Variants in USP7 observed in about 807,000 individuals in gnomAD.
The protein encoded by USP7 is ubiquitin specific peptidase 7.
A neutral mutation model predicts 162.9 loss-of-function variants in USP7; 9 were observed. That is an observed-to-expected ratio of 0.06 (90% CI 0.03 to 0.10). USP7 has a LOEUF of 0.10. Ranked by LOEUF, USP7 falls within the 10% of genes least tolerant of loss-of-function variation. The pLI is 1.00. For missense variants in USP7, 715 were observed against 1,373.7 expected, an observed-to-expected ratio of 0.52 and a Z score of 7.58; for synonymous variants, 562 against 475.9, an observed-to-expected ratio of 1.18 and a Z score of -2.35.
intron 1 of USP7, among the ~76,000 whole-genome samples, chr16:8,937,541 C>CA (rs1433084714): frequency 6.6e-6 from 1 of 151,618 alleles, no homozygotes; most frequent in Non-Finnish European, 1.5e-5. Flanking sequence ...AACTCTGTCT[C>CA]AAAAAATAAT....
Position 8,902,493 on chromosome 16 carries a change from TATTAAGAGTAG to T in USP7, c.1840-22_1840-12del, listed in dbSNP as rs759118293. On this transcript the variant is annotated splice_polypyrimidine_tract_variant and intron_variant, in intron 16 of 30. Coordinates refer to ENST00000344836, the MANE Select transcript of USP7 (RefSeq NM_003470.3). ...ATCTTGTGGAAATCCCTGAAAAAAATATTAAGAGTAGATTAAAATAAAAACACGCTCATATT... is the reference window on the plus strand; with the variant it reads ...ATCTTGTGGAAATCCCTGAAAAAAATATTAAAATAAAAACACGCTCATATT... The T allele has an allele frequency of 6.3e-4, 1,019 of 1,611,480 alleles. 2 individuals carry two copies. Among genetic ancestry groups the T allele is most frequent in the Non-Finnish European group, 7.6e-4 (892 of 1,178,576 alleles).
chr16:8,900,196 A>G (rs2061751696), intron 21 of USP7: 2 of 324,508 alleles, frequency 6.2e-6, no homozygotes, highest in Admixed American at 9.5e-5. Flanking sequence ...ACATGAAGAC[A>G]GACTGAAATG....
chr16:8,905,401 G>A lies in USP7; in HGVS notation c.1429-70C>T, dbSNP rs919245504. 22 of 1,579,458 alleles carry A rather than the reference G, an allele frequency of 1.4e-5. No individual in the cohort carries two copies. In the East Asian group the frequency reaches 2.3e-4, roughly 16 times the overall value. Reference sequence around the variant, plus strand: ...CAAGTACCCAACACTAGAAGGCAGCGTTGTTCTAAAATGTGTGAACTTCTA... The same window carrying A: ...CAAGTACCCAACACTAGAAGGCAGCATTGTTCTAAAATGTGTGAACTTCTA... On this transcript the variant is annotated intron_variant, in intron 13 of 30. Coordinates refer to ENST00000344836, the MANE Select transcript of USP7 (RefSeq NM_003470.3).
At position 8,894,552 on chromosome 16, in the gene USP7, G is replaced by A; in HGVS notation, c.3200C>T (p.Pro1067Leu). ...EVNLKDFEPQ[P>L]GNMSHPRPWL... ...CCCGGGGGGGGGAGAACCCTTACCG[G>A]GCTGTGGCTCAAAGTCTTTCAAATT... The change falls in exon 30 of 31, where the codon CCC (proline) becomes CTC (leucine). Residue 1067 changes from proline (P) to leucine (L), a missense_variant and splice_region_variant. Transcript: ENST00000344836. The A allele has an allele frequency of 6.2e-7, 1 of 1,611,896 alleles. No homozygotes were observed. The highest frequency in any genetic ancestry group is 8.5e-7 in the Non-Finnish European group (1 of 1,179,930).
chr16:8,894,955 C>T lies in USP7; in HGVS notation c.3039+76G>A, dbSNP rs149164873. The T allele has an allele frequency of 8.7e-5, 140 of 1,613,296 alleles. 1 individual carries two copies. The East Asian group carries it at 3.0e-3, about 34-fold the overall frequency. Reference sequence around the variant, plus strand: ...AACCAACGCCTAACCCCAGCAGGAGCGCAGATTCGGCAACAGCGGCCACTC... The same window carrying T: ...AACCAACGCCTAACCCCAGCAGGAGTGCAGATTCGGCAACAGCGGCCACTC... On this transcript the variant is annotated intron_variant, in intron 28 of 30. Transcript: ENST00000344836.
chr16:8,905,163 A>G (rs1407412129), intron 14 of USP7, 24 bp downstream of exon 14: 22 of 1,607,906 alleles, frequency 1.4e-5, no homozygotes, highest in Non-Finnish European at 1.6e-5. Context: ...AGTAAAGAAC[A>G]GAACAAAAGT....
intron 1 of USP7, among the ~76,000 whole-genome samples, chr16:8,935,448 TG>T (rs967834427): frequency 4.6e-5 from 7 of 152,214 alleles, no homozygotes; most frequent in Non-Finnish European, 4.4e-5. Context: ...TGACCTCAGG[TG>T]ATCTGCGCAC....
At chr16:8,942,247 GGGAGGTACTGGGACACTC>G (rs1427952389) in intron 1 of USP7, among the ~76,000 whole-genome samples, 3 of 152,342 alleles carry the variant, frequency 2.0e-5, no homozygotes, top group Non-Finnish European at 4.4e-5. Flanking sequence ...CCATGTCCTT[GGGAGGTACTGGGACACTC>G]GGAGTGACTG....
chr16:8,917,922 T>C (rs947029086), intron 6 of USP7, among the ~76,000 whole-genome samples: 14 of 152,150 alleles, frequency 9.2e-5, no homozygotes, highest in South Asian at 4.1e-4. Flanking sequence ...CCCCAGTAGC[T>C]GGGACTACAG....
intron 1 of USP7, among the ~76,000 whole-genome samples, chr16:8,937,477 G>A (rs1279912994): frequency 1.3e-5 from 2 of 152,190 alleles, no homozygotes; most frequent in Non-Finnish European, 2.9e-5. Flanking sequence ...AGGAGGCGGA[G>A]GTTGCAGTGA....
At chr16:8,928,978 T>C (rs1373771192) in intron 2 of USP7, among the ~76,000 whole-genome samples, 21 of 151,158 alleles carry the variant, frequency 1.4e-4, no homozygotes. Context: ...CCAAGAATTA[T>C]CCAAGTTGCC....
intron 6 of USP7, among the ~76,000 whole-genome samples, chr16:8,918,607 C>G (rs1227229780): frequency 6.6e-6 from 1 of 152,026 alleles, no homozygotes; most frequent in African/African-American, 2.4e-5. Context: ...GTCAGGAGTT[C>G]GAGACCAGCC....
chr16:8,923,085 G>T (rs1046562776), intron 3 of USP7, 130 bp downstream of exon 3: 1 of 644,986 alleles, frequency 1.6e-6, no homozygotes, highest in East Asian at 2.9e-5. Flanking sequence ...ATATACCAGT[G>T]GGTTTTAAAG....
At position 8,893,947 on chromosome 16, in the gene USP7, T is replaced by C; in HGVS notation, c.*51A>G. Reference sequence around the variant, plus strand: ...GCACGTGCACCAAAGTTCTAGGCTGTTAAGGGGCCACCCACACACCGTCCT... The same window carrying C: ...GCACGTGCACCAAAGTTCTAGGCTGCTAAGGGGCCACCCACACACCGTCCT... On this transcript the variant is annotated 3_prime_UTR_variant, in exon 31 of 31. Coordinates refer to ENST00000344836, the MANE Select transcript of USP7 (RefSeq NM_003470.3). 1 of 1,559,810 alleles carries C rather than the reference T, an allele frequency of 6.4e-7. No individual in the cohort carries two copies. The highest frequency in any genetic ancestry group is 1.7e-5 in the Admixed American group (1 of 59,938).
At chr16:8,899,028 C>A in intron 23 of USP7, 93 bp downstream of exon 23, 1 of 1,338,410 alleles carries the variant, frequency 7.5e-7, no homozygotes, top group Non-Finnish European at 1.1e-6. Flanking sequence ...GGTGAAATGG[C>A]GAGCTAATTA....
At position 8,910,781 on chromosome 16, in the gene USP7, C is replaced by T. The variant is rs562407054; in HGVS notation, c.1125G>A (p.Gly375=). Residue 375 remains glycine (G), a synonymous_variant, in exon 11 of 31, where the codon GGG becomes GGA. Transcript: ENST00000344836. Reference sequence around the variant, plus strand: ...GTTCCCCAGCGTCGTATTTATTGTCCCCATCGAGCTGTTCTACTGCCACAT... The same window carrying T: ...GTTCCCCAGCGTCGTATTTATTGTCTCCATCGAGCTGTTCTACTGCCACAT... ...VDYVAVEQLD[G]DNKYDAGEHG... 6 of 1,613,958 alleles carry T rather than the reference C, an allele frequency of 3.7e-6. No homozygotes were observed. The highest frequency in any genetic ancestry group is 5.1e-6 in the Non-Finnish European group (6 of 1,180,030).
In USP7 at chr16:8,903,531, A is replaced by C. The variant is rs566287371; in HGVS notation, c.1705-129T>G. The C allele has an allele frequency of 2.5e-6, 3 of 1,201,828 alleles. No homozygotes were observed. The East Asian group carries it at 8.0e-5, about 32-fold the overall frequency. The allele number at this position is 1,201,828 out of a possible 1,614,324, so 74.4% of individuals were successfully genotyped here. ...TCCAAAGAAACTTCTTCAGAAGACC[A>C]ATGAAGAAAAACCGCATAAAATGAC... On this transcript the variant is annotated intron_variant, in intron 15 of 30. Coordinates refer to ENST00000344836, the MANE Select transcript of USP7 (RefSeq NM_003470.3).
At chr16:8,927,428 A>G (rs1596387382) in intron 2 of USP7, among the ~76,000 whole-genome samples, 2 of 152,346 alleles carry the variant, frequency 1.3e-5, no homozygotes, top group South Asian at 2.1e-4. Context: ...TGATTTTAGC[A>G]AACTTCTGCT....
At position 8,895,201 on chromosome 16, in the gene USP7, A is replaced by G. The variant is rs371403081; in HGVS notation, c.2920-51T>C. ...TTCTGTAAGTGCAAGTGATGTGGTC[A>G]AAGTGTCCACATCTCAATTCTCACA... On this transcript the variant is annotated intron_variant, in intron 27 of 30. Transcript: ENST00000344836. 190 of 1,612,948 alleles carry G rather than the reference A, an allele frequency of 1.2e-4. 1 individual carries two copies. The highest frequency in any genetic ancestry group is 1.6e-4 in the Non-Finnish European group (185 of 1,179,442).
Sources: allele counts gnomAD v4.1 joint callset (sites outside exome capture counted in the v4.1 genomes callset), GRCh38; gene constraint gnomAD v4.1.1; transcripts MANE v1.5; gene names NCBI Gene and HGNC (gene_info 2026-07-23, HGNC 2026-07-21).